Variants in NAV2 observed in about 807,000 individuals in gnomAD.
The protein encoded by NAV2 is helicase, APC down-regulated 1.
In NAV2, 54 loss-of-function variants were observed where a neutral mutation model predicts 223.2. That is an observed-to-expected ratio of 0.24 (90% CI 0.19 to 0.30). NAV2 has a LOEUF of 0.30. Among genes scored for constraint, NAV2 ranks in the 10% least tolerant of loss-of-function variants. The probability of loss-of-function intolerance (pLI) is 1.00; values close to 1 mark genes in which losing one functional copy is unlikely to be tolerated. For missense variants in NAV2, 2,806 were observed against 3,147.5 expected, an observed-to-expected ratio of 0.89 and a Z score of 2.60; for synonymous variants, 1,279 against 1,239.3, an observed-to-expected ratio of 1.03 and a Z score of -0.67.
chr11:19,762,453 C>T (rs1006708372), intron 1 of NAV2, among the ~76,000 whole-genome samples: 2 of 152,186 alleles, frequency 1.3e-5, no homozygotes, highest in Non-Finnish European at 2.9e-5. Flanking sequence ...GCTCTGGCCA[C>T]ACAGGCTTTC....
chr11:19,904,014 G>A (rs2042659469), intron 6 of NAV2, among the ~76,000 whole-genome samples: 2 of 152,198 alleles, frequency 1.3e-5, no homozygotes, highest in Non-Finnish European at 2.9e-5. Context: ...CCACTCACTT[G>A]GGCAGGCAGC....
At chr11:19,362,957 T>A (rs748189263) in intron 1 of NAV2, among the ~76,000 whole-genome samples, 1 of 152,252 alleles carries the variant, frequency 6.6e-6, no homozygotes, top group African/African-American at 2.4e-5. Flanking sequence ...ACTGTTCTAT[T>A]GTCTTTACAA....
At chr11:19,976,354 C>A (rs534365161) in intron 10 of NAV2, among the ~76,000 whole-genome samples, 1 of 152,116 alleles carries the variant, frequency 6.6e-6, no homozygotes, top group Non-Finnish European at 1.5e-5. Context: ...CTGCAGACAG[C>A]GACTCCCACG....
At chr11:19,587,794 C>T (rs1281624835) in intron 1 of NAV2, among the ~76,000 whole-genome samples, 1 of 152,174 alleles carries the variant, frequency 6.6e-6, no homozygotes, top group Non-Finnish European at 1.5e-5. Context: ...CAAGAAGGTA[C>T]CACAATGTAT....
intron 11 of NAV2, among the ~76,000 whole-genome samples, chr11:20,023,732 G>C (rs1052808314): frequency 6.6e-5 from 10 of 151,394 alleles, no homozygotes; most frequent in Admixed American, 6.6e-5. Context: ...GTGTGTGTGT[G>C]TGTAAACTAG....
chr11:20,112,565 A>G (rs1329931089), intron 36 of NAV2, among the ~76,000 whole-genome samples: 1 of 152,200 alleles, frequency 6.6e-6, no homozygotes, highest in Non-Finnish European at 1.5e-5. Flanking sequence ...GGCAGGGACA[A>G]TGAGCCCAGC....
At chr11:19,785,647 C>CTTT (rs3214722) in intron 1 of NAV2, among the ~76,000 whole-genome samples, 4 of 141,858 alleles carry the variant, frequency 2.8e-5, no homozygotes, top group African/African-American at 7.8e-5. Flanking sequence ...CGTCAGCTGG[C>CTTT]TTTTTTTTTT....
At chr11:19,853,581 G>T (rs572420477) in intron 3 of NAV2, among the ~76,000 whole-genome samples, 2 of 152,078 alleles carry the variant, frequency 1.3e-5, no homozygotes, top group Non-Finnish European at 2.9e-5. Flanking sequence ...TCTTCTTTTT[G>T]CAATGTGGCC....
At chr11:19,852,704 G>A (rs903987056) in intron 3 of NAV2, among the ~76,000 whole-genome samples, 1 of 152,146 alleles carries the variant, frequency 6.6e-6, no homozygotes. Context: ...GCTTTGTAAT[G>A]TGAATAGTTT....
intron 1 of NAV2, among the ~76,000 whole-genome samples, chr11:19,716,989 A>G (rs2050363842): frequency 6.6e-6 from 1 of 152,244 alleles, no homozygotes; most frequent in African/African-American, 2.4e-5. Flanking sequence ...GAACTCGGGC[A>G]GTCTGGCACT....
intron 1 of NAV2, among the ~76,000 whole-genome samples, chr11:19,358,971 T>C (rs1469789697): frequency 6.6e-6 from 1 of 152,344 alleles, no homozygotes; most frequent in Non-Finnish European, 1.5e-5. Context: ...TCTTTTTCAC[T>C]AGCCATTCAG....
chr11:19,908,718 G>A (rs1163965692), intron 6 of NAV2, among the ~76,000 whole-genome samples: 3 of 152,198 alleles, frequency 2.0e-5, no homozygotes, highest in Non-Finnish European at 4.4e-5. Context: ...AGCAGCCAGT[G>A]AGTCTGCTGC....
At chr11:19,553,588 C>T (rs1490807039) in intron 1 of NAV2, among the ~76,000 whole-genome samples, 1 of 152,252 alleles carries the variant, frequency 6.6e-6, no homozygotes, top group Non-Finnish European at 1.5e-5. Context: ...TTTTCAATGC[C>T]TAGGAAATGG....
chr11:19,747,060 C>T (rs2053423845), intron 1 of NAV2, among the ~76,000 whole-genome samples: 1 of 78,776 alleles, frequency 1.3e-5, no homozygotes, highest in African/African-American at 4.3e-5. Flanking sequence ...CACCCCACAA[C>T]AGTCCCCAGT....
In NAV2 at chr11:20,045,590, C is replaced by G. The variant is rs145115238; in HGVS notation, c.3822C>G (p.Ala1274=). The G allele has an allele frequency of 6.2e-6, 10 of 1,614,060 alleles. No individual in the cohort carries two copies. The African/African-American group carries it at 1.1e-4, about 17-fold the overall frequency. The change falls in exon 14 of 38, where the codon GCC becomes GCG. Residue 1274 remains alanine, a synonymous_variant. Transcript: ENST00000349880. The stretch of plus-strand genomic sequence containing the variant: ...ACTCGGTGAAAGTGAATCCGGCAGC[C>G]CAGCCTGTGTCCAGTCCGGCTCAGA... ...SCNSVKVNPA[A]QPVSSPAQTS...
intron 1 of NAV2, among the ~76,000 whole-genome samples, chr11:19,528,905 G>A (rs559447289): frequency 3.7e-5 from 5 of 135,350 alleles, no homozygotes; most frequent in African/African-American, 1.1e-4. Context: ...ACTCCAGCCC[G>A]GTGACAGAGT....
intron 1 of NAV2, among the ~76,000 whole-genome samples, chr11:19,654,639 G>C (rs1194057879): frequency 2.0e-5 from 3 of 152,162 alleles, no homozygotes; most frequent in Admixed American, 6.5e-5. Flanking sequence ...CAAGAAATGG[G>C]GAAAGGATCC....
chr11:19,467,016 C>CAGAGAG (rs1215832023), intron 1 of NAV2, among the ~76,000 whole-genome samples: 3 of 88,876 alleles, frequency 3.4e-5, no homozygotes, highest in African/African-American at 1.2e-4. Flanking sequence ...CACACACACA[C>CAGAGAG]ACAGAGAGAG....
chr11:19,552,056 AG>A (rs2044708192), intron 1 of NAV2, among the ~76,000 whole-genome samples: 2 of 152,048 alleles, frequency 1.3e-5, no homozygotes, highest in African/African-American at 4.8e-5. Context: ...ATTATTGATG[AG>A]GCCTGTGCTC....
Sources: gnomAD v4.1 joint callset for allele counts (sites outside exome capture counted in the v4.1 genomes callset) on GRCh38, gnomAD v4.1.1 for gene constraint, MANE v1.5 for transcripts, NCBI Gene and HGNC (gene_info 2026-07-23, HGNC 2026-07-21) for gene names.